Variants in RMST observed in about 807,000 individuals in gnomAD.
RMST encodes the protein long intergenic non-protein coding RNA 54.
intron 10 of RMST, among the ~76,000 whole-genome samples, chr12:97,522,497 T>A (rs1880618046): frequency 6.6e-6 from 1 of 152,196 alleles, no homozygotes; most frequent in Admixed American, 6.5e-5. Flanking sequence ...CCTTTTGCTT[T>A]ATGGTCACAT....
chr12:97,563,922 AG>A (rs776459338), intron 13 of RMST: 2 of 499,840 alleles, frequency 4.0e-6, no homozygotes, highest in East Asian at 5.8e-5. Context: ...TCAACTAAGA[AG>A]GGGCCATCAG....
intron 10 of RMST, among the ~76,000 whole-genome samples, chr12:97,522,121 AT>A (rs530344637): frequency 4.7e-4 from 72 of 152,268 alleles, no homozygotes; most frequent in African/African-American, 1.6e-3. Context: ...CTTTCTTGTG[AT>A]TTATAAGTCC....
chr12:97,544,976 G>C (rs559091451), intron 11 of RMST, among the ~76,000 whole-genome samples: 9 of 152,094 alleles, frequency 5.9e-5, no homozygotes, highest in Admixed American at 3.3e-4. Flanking sequence ...CTATTAATAG[G>C]CATCTATTAT....
intron 10 of RMST, among the ~76,000 whole-genome samples, chr12:97,508,380 T>G (rs1045632566): frequency 6.6e-6 from 1 of 152,116 alleles, no homozygotes; most frequent in South Asian, 2.1e-4. Context: ...TATACCTCCC[T>G]CCTCCAAGAT....
chr12:97,508,316 A>G (rs184100706), intron 10 of RMST, among the ~76,000 whole-genome samples: 2 of 152,330 alleles, frequency 1.3e-5, no homozygotes. Context: ...CTAATGAAAC[A>G]ACTCCTGGGG....
chr12:97,520,837 T>C (rs1880438696), intron 10 of RMST, among the ~76,000 whole-genome samples: 1 of 152,170 alleles, frequency 6.6e-6, no homozygotes, highest in Admixed American at 6.5e-5. Flanking sequence ...GCAAAAGGCA[T>C]ACAACCTACA....
exon 11 of RMST, chr12:97,530,756 C>T (rs914052319): frequency 2.0e-5 from 3 of 152,002 alleles, no homozygotes; most frequent in African/African-American, 4.8e-5. Flanking sequence ...GATATGATGG[C>T]CTTGTCACAG....
At chr12:97,548,042 G>A (rs554560619) in intron 11 of RMST, among the ~76,000 whole-genome samples, 1 of 152,112 alleles carries the variant, frequency 6.6e-6, no homozygotes, top group African/African-American at 2.4e-5. Flanking sequence ...TTACATTTAA[G>A]TCTTTAACCT....
chr12:97,483,773 T>C (rs919976204), intron 5 of RMST, among the ~76,000 whole-genome samples: 6 of 152,234 alleles, frequency 3.9e-5, no homozygotes, highest in African/African-American at 1.4e-4. Context: ...TTGATTCTTG[T>C]CATTTCACAC....
chr12:97,517,278 C>G (rs1880033756), intron 10 of RMST, among the ~76,000 whole-genome samples: 1 of 151,922 alleles, frequency 6.6e-6, no homozygotes, highest in South Asian at 2.1e-4. Flanking sequence ...TCAAGTGGCA[C>G]TATTTTCCCA....
At chr12:97,479,250 C>A (rs1874932983) in intron 5 of RMST, among the ~76,000 whole-genome samples, 1 of 147,156 alleles carries the variant, frequency 6.8e-6, no homozygotes, top group African/African-American at 2.5e-5. Context: ...AGCAATCTTC[C>A]CACCTCAGCC....
In RMST at chr12:97,544,330, C is replaced by T. The variant is rs138207254; in HGVS notation, n.1545+13471C>T. Among the ~76,000 whole-genome samples, 337 of 152,090 alleles carry T rather than the reference C, an allele frequency of 2.2e-3. 2 individuals carry two copies. Among genetic ancestry groups the T allele is most frequent in the African/African-American group, 7.8e-3 (324 of 41,510 alleles). On this transcript the variant is annotated intron_variant and non_coding_transcript_variant, in intron 11 of 13. Transcript: ENST00000640149. Reference sequence around the variant, plus strand: ...AACTTTTAGTAACAATTGTGCCTGCCCAGTTGGGTTTGGTTAGCCTGATAG... The same window carrying T: ...AACTTTTAGTAACAATTGTGCCTGCTCAGTTGGGTTTGGTTAGCCTGATAG...
At chr12:97,535,179 T>A (rs1881973572) in intron 11 of RMST, among the ~76,000 whole-genome samples, 1 of 151,670 alleles carries the variant, frequency 6.6e-6, no homozygotes, top group Non-Finnish European at 1.5e-5. Flanking sequence ...TAAAAAATGC[T>A]CTAGAAACAA....
intron 10 of RMST, among the ~76,000 whole-genome samples, chr12:97,499,033 G>T (rs544410009): frequency 6.6e-6 from 1 of 152,156 alleles, no homozygotes; most frequent in Non-Finnish European, 1.5e-5. Context: ...GAAGGTGCCC[G>T]CTGGGGCTGT....
intron 11 of RMST, among the ~76,000 whole-genome samples, chr12:97,542,735 C>A (rs776794886): frequency 6.6e-6 from 1 of 151,926 alleles, no homozygotes; most frequent in African/African-American, 2.4e-5. Context: ...TCAGATAGCA[C>A]GCATGGCAGA....
intron 11 of RMST, among the ~76,000 whole-genome samples, chr12:97,551,391 G>C (rs952563839): frequency 6.6e-6 from 1 of 152,124 alleles, no homozygotes; most frequent in Admixed American, 6.6e-5. Flanking sequence ...TTATTTGCCT[G>C]CTAATTATTT....
At chr12:97,562,555 T>G (rs938976217) in intron 13 of RMST, among the ~76,000 whole-genome samples, 11 of 152,102 alleles carry the variant, frequency 7.2e-5, no homozygotes, top group Admixed American at 5.2e-4. Context: ...GATGAGCAGC[T>G]GTGTTTATTT....
At chr12:97,464,031 G>A (rs1358789543) in intron 4 of RMST, among the ~76,000 whole-genome samples, 1 of 152,088 alleles carries the variant, frequency 6.6e-6, no homozygotes, top group African/African-American at 2.4e-5. Flanking sequence ...TGAGTCGCAC[G>A]CTAAAAAGAA....
At chr12:97,514,121 G>T (rs1879692270) in intron 10 of RMST, among the ~76,000 whole-genome samples, 1 of 152,192 alleles carries the variant, frequency 6.6e-6, no homozygotes, top group Non-Finnish European at 1.5e-5. Context: ...AAGTACAGGG[G>T]CAAGAGTCAA....
Sources: gnomAD v4.1 joint callset for allele counts (sites outside exome capture counted in the v4.1 genomes callset) on GRCh38, gnomAD v4.1.1 for gene constraint, MANE v1.5 for transcripts, NCBI Gene and HGNC (gene_info 2026-07-23, HGNC 2026-07-21) for gene names.